TG: variants seen among roughly 807,000 people sequenced by gnomAD.
TG encodes the protein thyroglobulin, also known as thyroid hormones.
Under a neutral mutation model 324.7 loss-of-function variants are expected in TG, and 270 were observed. The observed-to-expected ratio is 0.83, with a 90% CI of 0.75 to 0.92. The LOEUF (loss-of-function observed/expected upper bound fraction) is 0.92, where lower values mean the gene tolerates loss of function less well. Ranked by LOEUF, TG falls within the 40% of genes least tolerant of loss-of-function variation. TG has a pLI of 0.00. For synonymous variants in TG, 1,401 were observed against 1,327.0 expected (o/e 1.06, Z -1.21); for missense variants, 3,591 against 3,456.4 (o/e 1.04, Z -0.98).
At chr8:133,087,293 T>A (rs1846743442) in intron 41 of TG, among the ~76,000 whole-genome samples, 1 of 152,238 alleles carries the variant, frequency 6.6e-6, no homozygotes, top group Non-Finnish European at 1.5e-5. Context: ...TTAAATAAGC[T>A]AAGGTCGCAC....
At chr8:132,933,757 G>C in intron 24 of TG, 81 bp downstream of exon 24, 1 of 1,283,406 alleles carries the variant, frequency 7.8e-7, no homozygotes, top group Non-Finnish European at 1.1e-6. Context: ...CAGCAGGCTG[G>C]CCAGGCGATG....
intron 27 of TG, among the ~76,000 whole-genome samples, chr8:132,959,332 A>G (rs2178970): frequency 0.75 from 114,449 of 151,680 alleles, 43,533 homozygotes; most frequent in African/African-American, 0.84. Flanking sequence ...GACCAATGAA[A>G]GACCATGTAT....
chr8:132,867,843 AC>A (rs1476005672), intron 1 of TG, among the ~76,000 whole-genome samples: 5 of 152,058 alleles, frequency 3.3e-5, no homozygotes, highest in Admixed American at 1.3e-4. Context: ...CTTGCCAGTT[AC>A]GTGACTTTGG....
At position 132,957,339 on chromosome 8, in the gene TG, C is replaced by T. The variant is rs574256778; in HGVS notation, c.5402-3669C>T. Reference sequence around the variant, plus strand: ...AACTTAAGACAGCATATTTCCCAGGCTGGCAGACCCAGGGCTCTGTTGCCT... The same window carrying T: ...AACTTAAGACAGCATATTTCCCAGGTTGGCAGACCCAGGGCTCTGTTGCCT... On this transcript the variant is annotated intron_variant, in intron 27 of 47. Transcript: ENST00000220616. 1.1e-3 allele frequency among the ~76,000 whole-genome samples: 164 copies of T among 152,294 alleles called. 1 individual carries two copies. Among genetic ancestry groups the T allele is most frequent in the Non-Finnish European group, 2.0e-3 (133 of 68,014 alleles).
At chr8:133,108,586 C>T (rs1349633206) in intron 43 of TG, among the ~76,000 whole-genome samples, 1 of 152,210 alleles carries the variant, frequency 6.6e-6, no homozygotes, top group Non-Finnish European at 1.5e-5. Flanking sequence ...ATATAACTTT[C>T]CCAAGTTCAT....
chr8:133,058,052 G>A (rs1050678584), intron 41 of TG, among the ~76,000 whole-genome samples: 3 of 152,196 alleles, frequency 2.0e-5, no homozygotes, highest in Admixed American at 6.5e-5. Flanking sequence ...TTGTTTGAGG[G>A]TAACCGGATG....
chr8:132,939,166 A>G (rs575337274), intron 25 of TG, among the ~76,000 whole-genome samples: 7 of 152,268 alleles, frequency 4.6e-5, no homozygotes, highest in Middle Eastern at 3.4e-3. Flanking sequence ...GCACCGTCCA[A>G]TGGAACCTTT....
At chr8:133,047,698 G>A (rs773138118) in intron 41 of TG, 15 of 699,210 alleles carry the variant, frequency 2.1e-5, no homozygotes, top group Non-Finnish European at 3.7e-5. Context: ...GTGGGCTGCA[G>A]GGAGCTTAAC....
At chr8:132,953,963 G>A (rs1826479135) in intron 27 of TG, among the ~76,000 whole-genome samples, 1 of 151,198 alleles carries the variant, frequency 6.6e-6, no homozygotes, top group African/African-American at 2.4e-5. Context: ...CAGATTAAAT[G>A]TCCCCTAATG....
intron 41 of TG, chr8:133,039,969 A>ACACG (rs1240689757): frequency 3.3e-6 from 5 of 1,517,754 alleles, no homozygotes; most frequent in Non-Finnish European, 4.4e-6. Flanking sequence ...ACACACACAC[A>ACACG]CACACACACA....
chr8:132,951,358 T>G (rs1490399451), intron 27 of TG, among the ~76,000 whole-genome samples: 3 of 152,196 alleles, frequency 2.0e-5, no homozygotes, highest in Non-Finnish European at 2.9e-5. Flanking sequence ...TCTTTTGGCG[T>G]CAATAAAATC....
rs574083720 is a variant in TG at position 132,923,319 on chromosome 8, G to C, written c.4529-19G>C. The stretch of plus-strand genomic sequence containing the variant: ...CCAGAGGCCCATTATTGACGGCTAT[G>C]TCAATCTATTGGTTCTAGGTGTCAC... On this transcript the variant is annotated intron_variant, in intron 21 of 47. Transcript: ENST00000220616. 1.4e-4 allele frequency: 233 copies of C among 1,614,056 alleles called. 1 individual carries two copies. In the South Asian group the frequency reaches 2.1e-3, roughly 14 times the overall value.
Position 132,969,491 on chromosome 8 carries a change from C to T in TG, c.5897C>T (p.Thr1966Ile). Reference sequence around the variant, plus strand: ...GAAGATAAAGTGAAGAACTTTTACACTCGCCTGCCGTTCCAAAAACTGATG... The same window carrying T: ...GAAGATAAAGTGAAGAACTTTTACATTCGCCTGCCGTTCCAAAAACTGATG... ...ILEDKVKNFY[T>I]RLPFQKLMGI... Residue 1966 changes from threonine to isoleucine, a missense_variant, in exon 32 of 48, where the codon ACT (threonine) becomes ATT (isoleucine). By Grantham distance (89) the Thr-to-Ile change is moderately conservative. Coordinates refer to ENST00000220616, the MANE Select transcript of TG (RefSeq NM_003235.5). 2 of 1,613,932 alleles carry T rather than the reference C, an allele frequency of 1.2e-6. No individual in the cohort carries two copies. The highest frequency in any genetic ancestry group is 1.3e-5 in the African/African-American group (1 of 75,008).
intron 41 of TG, among the ~76,000 whole-genome samples, chr8:133,071,664 G>A (rs1456832325): frequency 1.3e-5 from 2 of 152,146 alleles, no homozygotes; most frequent in East Asian, 3.9e-4. Context: ...GGGGGGAGGA[G>A]GCGCACCTGC....
At chr8:133,108,870 A>G (rs58781845) in intron 43 of TG, among the ~76,000 whole-genome samples, 9,836 of 152,274 alleles carry the variant, frequency 0.065, 1,061 homozygotes, top group African/African-American at 0.22. Flanking sequence ...CCTGAGGGCC[A>G]TGGGGGCCCC....
At chr8:132,988,077 C>G (rs1411302827) in intron 35 of TG, among the ~76,000 whole-genome samples, 2 of 151,212 alleles carry the variant, frequency 1.3e-5, no homozygotes, top group Admixed American at 6.6e-5. Flanking sequence ...CACACACACA[C>G]ACACACACAC....
chr8:133,093,050 G>A (rs4551333), intron 41 of TG, among the ~76,000 whole-genome samples: 108,766 of 151,920 alleles, frequency 0.72, 39,367 homozygotes, highest in Non-Finnish European at 0.75. Context: ...CCTGCCTGTG[G>A]GCCCTTCTGC....
intron 45 of TG, among the ~76,000 whole-genome samples, chr8:133,123,344 G>A (rs1338818985): frequency 1.3e-5 from 2 of 151,950 alleles, no homozygotes; most frequent in Non-Finnish European, 2.9e-5. Context: ...GTGCTTCTTT[G>A]TGACAAAGCT....
chr8:133,044,853 G>A lies in TG; in HGVS notation c.7239+14830G>A, dbSNP rs113688571. 1,229 of 854,842 alleles carry A rather than the reference G, an allele frequency of 1.4e-3. 8 individuals carry two copies. Among genetic ancestry groups the A allele is most frequent in the Middle Eastern group, 5.1e-3 (16 of 3,164 alleles). 53.0% of individuals were successfully genotyped at this position (854,842 alleles called of 1,614,324 possible). On this transcript the variant is annotated intron_variant, in intron 41 of 47. Coordinates refer to ENST00000220616, the MANE Select transcript of TG (RefSeq NM_003235.5). ...CCTGAAATTTACAGTCTGAATTAAC[G>A]AGAGAGCATATCATGAAGGCAGCAT...
Sources: allele counts gnomAD v4.1 joint callset (sites outside exome capture counted in the v4.1 genomes callset), GRCh38; gene constraint gnomAD v4.1.1; transcripts MANE v1.5; gene names NCBI Gene and HGNC (gene_info 2026-07-23, HGNC 2026-07-21).